Variants in EYS observed in about 807,000 individuals in gnomAD.
The protein encoded by EYS is protein eyes shut homolog.
A neutral mutation model predicts 282.1 loss-of-function variants in EYS; 250 were observed. The ratio of observed to expected loss-of-function variants is 0.89; its 90% confidence interval spans 0.80 to 0.98. The LOEUF (loss-of-function observed/expected upper bound fraction) is 0.98. Among genes scored for constraint, EYS ranks in the 50% least tolerant of loss-of-function variants. The pLI is 0.00. For missense variants in EYS, 4,016 were observed against 3,709.0 expected, an observed-to-expected ratio of 1.08 and a Z score of -2.15; for synonymous variants, 1,355 against 1,282.9, an observed-to-expected ratio of 1.06 and a Z score of -1.20.
At chr6:64,318,764 T>A (rs1371065694) in intron 29 of EYS, among the ~76,000 whole-genome samples, 1 of 151,648 alleles carries the variant, frequency 6.6e-6, no homozygotes, top group African/African-American at 2.4e-5. Context: ...ATTTAAAAAA[T>A]TATTATTTAT....
intron 26 of EYS, among the ~76,000 whole-genome samples, chr6:64,556,245 A>C (rs186380314): frequency 2.0e-4 from 30 of 152,132 alleles, no homozygotes; most frequent in Non-Finnish European, 3.5e-4. Flanking sequence ...TATTATGTGG[A>C]GAATAGATTA....
rs372776622 is a variant in EYS at position 64,133,007 on chromosome 6, A to T, written c.6425-51005T>A. On this transcript the variant is annotated intron_variant, in intron 31 of 42. Coordinates refer to ENST00000503581, the MANE Select transcript of EYS (RefSeq NM_001142800.2). Reference sequence around the variant, plus strand: ...TGTAACTTAGTAGACATTACTCTACACACTGATTATATGTTTTGCATTTTA... The same window carrying T: ...TGTAACTTAGTAGACATTACTCTACTCACTGATTATATGTTTTGCATTTTA... Among the ~76,000 whole-genome samples the T allele has an allele frequency of 9.2e-5, 14 of 152,164 alleles. No individual in the cohort carries two copies. In the East Asian group the frequency reaches 9.7e-4, roughly 10 times the overall value.
At chr6:65,397,654 C>A (rs1051681694) in intron 7 of EYS, among the ~76,000 whole-genome samples, 2 of 147,524 alleles carry the variant, frequency 1.4e-5, no homozygotes, top group African/African-American at 5.0e-5. Flanking sequence ...ATCCAGTCAT[C>A]CATTGATGGA....
intron 24 of EYS, among the ~76,000 whole-genome samples, chr6:64,599,595 A>T (rs1766700150): frequency 6.6e-6 from 1 of 152,192 alleles, no homozygotes; most frequent in Admixed American, 6.5e-5. Context: ...TGGCTACCAG[A>T]TATGTAACAA....
At chr6:64,631,785 A>G (rs1350354313) in intron 22 of EYS, 1 of 152,110 alleles carries the variant, frequency 6.6e-6, no homozygotes, top group African/African-American at 2.4e-5. Flanking sequence ...AAGAAAGAAT[A>G]AGAAGGGTAC....
chr6:64,676,316 C>CTATCTATATA, intron 22 of EYS, among the ~76,000 whole-genome samples: 1 of 119,054 alleles, frequency 8.4e-6, no homozygotes, highest in South Asian at 2.9e-4. Flanking sequence ...TCCAATATAT[C>CTATCTATATA]TATATATATA....
At chr6:64,052,930 A>AT (rs1419415797) in intron 33 of EYS, among the ~76,000 whole-genome samples, 2 of 152,276 alleles carry the variant, frequency 1.3e-5, no homozygotes, top group Admixed American at 6.5e-5. Context: ...TTCTTTATAA[A>AT]TTACCCAGTT....
At chr6:65,573,104 T>C (rs1370711767) in intron 2 of EYS, among the ~76,000 whole-genome samples, 2 of 151,908 alleles carry the variant, frequency 1.3e-5, no homozygotes, top group Non-Finnish European at 2.9e-5. Flanking sequence ...ACCTTGGGAG[T>C]GATGTCACAA....
chr6:64,430,214 T>G, intron 28 of EYS, among the ~76,000 whole-genome samples: 1 of 152,192 alleles, frequency 6.6e-6, no homozygotes, highest in East Asian at 1.9e-4. Flanking sequence ...AAATTTGTGG[T>G]TTCTTTCAGA....
intron 2 of EYS, among the ~76,000 whole-genome samples, chr6:65,536,829 C>T (rs780574064): frequency 3.9e-5 from 6 of 152,070 alleles, no homozygotes; most frequent in Non-Finnish European, 5.9e-5. Flanking sequence ...GGTTGTTAAA[C>T]GTCTCTAAAT....
At position 64,960,286 on chromosome 6, in the gene EYS, AC is replaced by A. The variant is rs1305406212; in HGVS notation, c.2260-14373del. Among the ~76,000 whole-genome samples, 6 of 152,252 alleles carry A rather than the reference AC, an allele frequency of 3.9e-5. No homozygotes were observed. The South Asian group carries it at 6.2e-4, about 16-fold the overall frequency. ...GATTATGTAGAATATGTAAATAGTTACTTTATAGTCATATGTCATATAATCA... is the reference window on the plus strand; with the variant it reads ...GATTATGTAGAATATGTAAATAGTTATTTATAGTCATATGTCATATAATCA... On this transcript the variant is annotated intron_variant, in intron 14 of 42. Coordinates refer to ENST00000503581, the MANE Select transcript of EYS (RefSeq NM_001142800.2).
intron 35 of EYS, among the ~76,000 whole-genome samples, chr6:63,964,592 G>C (rs1277495059): frequency 6.6e-6 from 1 of 152,180 alleles, no homozygotes; most frequent in African/African-American, 2.4e-5. Flanking sequence ...TTGCCATTAA[G>C]GGAAACACAG....
intron 12 of EYS, among the ~76,000 whole-genome samples, chr6:65,197,987 TA>T (rs1765810027): frequency 6.6e-6 from 1 of 152,176 alleles, no homozygotes; most frequent in Admixed American, 6.6e-5. Context: ...TATAAACTTT[TA>T]TATATGTTTT....
intron 13 of EYS, among the ~76,000 whole-genome samples, chr6:65,023,365 AC>A (rs1772305265): frequency 6.6e-6 from 1 of 152,116 alleles, no homozygotes; most frequent in South Asian, 2.1e-4. Context: ...ATTTTTCTCC[AC>A]CACTGGAACA....
chr6:65,602,695 C>A (rs149511091), intron 2 of EYS, among the ~76,000 whole-genome samples: 1 of 151,854 alleles, frequency 6.6e-6, no homozygotes, highest in East Asian at 1.9e-4. Flanking sequence ...GTTAAGCAGG[C>A]AGTAAACTCT....
chr6:63,865,059 C>A (rs552760718), intron 35 of EYS, among the ~76,000 whole-genome samples: 2 of 152,274 alleles, frequency 1.3e-5, no homozygotes, highest in East Asian at 3.9e-4. Flanking sequence ...CAAGACCCAC[C>A]CCTCCACCAT....
At chr6:65,214,342 G>A (rs1237635482) in intron 12 of EYS, among the ~76,000 whole-genome samples, 1 of 152,056 alleles carries the variant, frequency 6.6e-6, no homozygotes, top group Non-Finnish European at 1.5e-5. Context: ...TACTGATATG[G>A]AGAAAGTTTT....
intron 31 of EYS, among the ~76,000 whole-genome samples, chr6:64,096,309 T>C (rs1285412602): frequency 6.6e-6 from 1 of 152,344 alleles, no homozygotes; most frequent in East Asian, 1.9e-4. Flanking sequence ...CCTTGCTAGA[T>C]TGGGGAAGTT....
chr6:65,201,790 C>T (rs73441351), intron 12 of EYS, among the ~76,000 whole-genome samples: 8,624 of 151,990 alleles, frequency 0.057, 447 homozygotes, highest in African/African-American at 0.14. Flanking sequence ...ATGAACATTG[C>T]TAAGCCACAC....
Sources: allele counts gnomAD v4.1 joint callset (sites outside exome capture counted in the v4.1 genomes callset), GRCh38; gene constraint gnomAD v4.1.1; transcripts MANE v1.5; gene names NCBI Gene and HGNC (gene_info 2026-07-23, HGNC 2026-07-21).